The following STK39 variants were observed in gnomAD, a reference collection of about 807,000 sequenced individuals.
STK39 encodes the protein serine/threonine kinase 39, also known as STE20/SPS1-related proline-alanine-rich protein kinase.
In STK39, 20 loss-of-function variants were observed where a neutral mutation model predicts 77.8. That is an observed-to-expected ratio of 0.26 (90% CI 0.18 to 0.37). The LOEUF (loss-of-function observed/expected upper bound fraction) is 0.37. STK39 is among the 10% of genes least tolerant of loss of function. The probability of loss-of-function intolerance (pLI) is 1.00; values close to 1 mark genes in which losing one functional copy is unlikely to be tolerated. For synonymous variants in STK39, 246 were observed against 234.1 expected, an observed-to-expected ratio of 1.05 and a Z score of -0.47; for missense variants, 479 against 656.5, an observed-to-expected ratio of 0.73 and a Z score of 2.95.
intron 16 of STK39, among the ~76,000 whole-genome samples, chr2:167,971,454 G>A (rs1015322342): frequency 3.3e-5 from 5 of 151,936 alleles, no homozygotes; most frequent in South Asian, 2.1e-4. Context: ...TTTTTCTTCT[G>A]CACGTAGGTA....
At chr2:168,100,029 A>C (rs1215843012) in intron 10 of STK39, among the ~76,000 whole-genome samples, 3 of 152,234 alleles carry the variant, frequency 2.0e-5, no homozygotes, top group Admixed American at 6.5e-5. Context: ...AAAAAGGAAA[A>C]AAGCAAAATG....
intron 10 of STK39, among the ~76,000 whole-genome samples, chr2:168,125,567 T>C (rs1247670909): frequency 6.6e-6 from 1 of 152,172 alleles, no homozygotes; most frequent in Non-Finnish European, 1.5e-5. Flanking sequence ...TATATTACCC[T>C]TCACCACATG....
At chr2:168,003,025 C>T (rs566681140) in intron 16 of STK39, among the ~76,000 whole-genome samples, 53 of 152,272 alleles carry the variant, frequency 3.5e-4, no homozygotes, top group African/African-American at 1.3e-3. Context: ...GCTCTGTCGC[C>T]CAGGCTGGAG....
chr2:168,201,749 C>T (rs893313409), intron 1 of STK39, among the ~76,000 whole-genome samples: 1 of 152,106 alleles, frequency 6.6e-6, no homozygotes, highest in Non-Finnish European at 1.5e-5. Context: ...ATCAAAACCA[C>T]CCCCCTTCTA....
intron 16 of STK39, among the ~76,000 whole-genome samples, chr2:167,984,159 C>T (rs534227985): frequency 5.9e-5 from 9 of 152,168 alleles, no homozygotes; most frequent in Non-Finnish European, 1.3e-4. Context: ...AAGTATATGC[C>T]ATAAACTAGT....
chr2:168,079,872 G>A (rs1437515238), intron 10 of STK39, among the ~76,000 whole-genome samples: 1 of 152,146 alleles, frequency 6.6e-6, no homozygotes, highest in Non-Finnish European at 1.5e-5. Flanking sequence ...TGTGAGCTGA[G>A]AATGATTGTA....
At chr2:168,021,662 T>G (rs983277104) in intron 14 of STK39, among the ~76,000 whole-genome samples, 4 of 152,160 alleles carry the variant, frequency 2.6e-5, no homozygotes, top group Non-Finnish European at 5.9e-5. Flanking sequence ...CTCGGCTGCC[T>G]TTGATAATTT....
At chr2:168,183,528 A>G (rs1325000061) in intron 1 of STK39, among the ~76,000 whole-genome samples, 3 of 152,156 alleles carry the variant, frequency 2.0e-5, no homozygotes, top group Non-Finnish European at 4.4e-5. Flanking sequence ...CTTTTGTTCT[A>G]CTTCCCACAA....
chr2:167,984,894 A>G (rs1683518328), intron 16 of STK39, among the ~76,000 whole-genome samples: 1 of 152,252 alleles, frequency 6.6e-6, no homozygotes. Flanking sequence ...CTTTATGCAC[A>G]TACAGCCAGT....
intron 7 of STK39, among the ~76,000 whole-genome samples, chr2:168,138,924 C>T (rs1409090196): frequency 6.6e-6 from 1 of 151,954 alleles, no homozygotes; most frequent in Non-Finnish European, 1.5e-5. Flanking sequence ...AAAGTATTTG[C>T]TTTAAAAAAA....
intron 2 of STK39, among the ~76,000 whole-genome samples, chr2:168,170,942 C>T (rs1451293698): frequency 2.6e-5 from 4 of 152,142 alleles, no homozygotes; most frequent in Admixed American, 6.6e-5. Context: ...AAAAATCCCA[C>T]GAGGTCAAAG....
rs144038584 is a variant in STK39, at chr2:168,093,066, C to T, written c.1090-17835G>A. 1.1e-3 allele frequency among the ~76,000 whole-genome samples: 171 copies of T among 152,298 alleles called. 1 individual carries two copies. Among genetic ancestry groups the T allele is most frequent in the African/African-American group, 3.9e-3 (164 of 41,544 alleles). ...CCCTGGAAGCCCTGCAAGAATCTCTCGCTCAACACATTCAGAATGTTCAGC... is the reference window on the plus strand; with the variant it reads ...CCCTGGAAGCCCTGCAAGAATCTCTTGCTCAACACATTCAGAATGTTCAGC... On this transcript the variant is annotated intron_variant, in intron 10 of 17. Transcript: ENST00000355999.
At chr2:168,245,909 T>C (rs73971529) in intron 1 of STK39, among the ~76,000 whole-genome samples, 1,754 of 152,278 alleles carry the variant, frequency 0.012, 32 homozygotes, top group African/African-American at 0.04. Flanking sequence ...GAAGCTTGTA[T>C]ATATCCTAGG....
chr2:168,014,949 G>A (rs1034848034), intron 15 of STK39, among the ~76,000 whole-genome samples: 1 of 152,200 alleles, frequency 6.6e-6, no homozygotes, highest in African/African-American at 2.4e-5. Flanking sequence ...TCTGTTTTCA[G>A]GACTCCTGGG....
At chr2:168,197,933 G>T (rs540429554) in intron 1 of STK39, among the ~76,000 whole-genome samples, 2 of 151,792 alleles carry the variant, frequency 1.3e-5, no homozygotes, top group African/African-American at 4.8e-5. Context: ...ATCTACTTGG[G>T]AGGCTGAGGC....
chr2:168,214,919 T>C (rs13001644), intron 1 of STK39, among the ~76,000 whole-genome samples: 1 of 152,180 alleles, frequency 6.6e-6, no homozygotes, highest in African/African-American at 2.4e-5. Flanking sequence ...ACTCTATTCT[T>C]CATTTTGTCA....
At chr2:168,243,757 T>TAA (rs1690831358) in intron 1 of STK39, among the ~76,000 whole-genome samples, 1 of 152,226 alleles carries the variant, frequency 6.6e-6, no homozygotes, top group Admixed American at 6.5e-5. Flanking sequence ...GATGGCCAAG[T>TAA]AAACACTTAT....
chr2:168,091,795 A>G (rs969764373), intron 10 of STK39, among the ~76,000 whole-genome samples: 3 of 152,176 alleles, frequency 2.0e-5, no homozygotes, highest in Non-Finnish European at 4.4e-5. Context: ...GATTTTATCT[A>G]TACATTCCAA....
intron 14 of STK39, among the ~76,000 whole-genome samples, chr2:168,036,033 T>A (rs1684943936): frequency 6.6e-6 from 1 of 152,038 alleles, no homozygotes; most frequent in Non-Finnish European, 1.5e-5. Flanking sequence ...AATACGTGAG[T>A]CTGTCAAAGA....
Sources: allele counts gnomAD v4.1 joint callset (sites outside exome capture counted in the v4.1 genomes callset), GRCh38; gene constraint gnomAD v4.1.1; transcripts MANE v1.5; gene names NCBI Gene and HGNC (gene_info 2026-07-23, HGNC 2026-07-21).